Variants in TMEM232 observed in about 807,000 individuals in gnomAD.
TMEM232 encodes the protein transmembrane protein 232.
TMEM232 carries 80 observed loss-of-function variants against 78.8 expected under a neutral mutation model. The observed-to-expected ratio is 1.01, with a 90% CI of 0.85 to 1.22. The LOEUF is 1.22. Ranked by LOEUF, TMEM232 falls within the 50% of genes most tolerant of loss-of-function variation. The probability of loss-of-function intolerance (pLI) is 0.00; values close to 1 mark genes in which losing one functional copy is unlikely to be tolerated. For synonymous variants in TMEM232, 297 were observed against 254.3 expected (o/e 1.17, Z -1.60); for missense variants, 881 against 742.2 (o/e 1.19, Z -2.17).
intron 12 of TMEM232, among the ~76,000 whole-genome samples, chr5:110,465,605 A>AGAAATTTG: frequency 6.6e-6 from 1 of 152,346 alleles, no homozygotes. Flanking sequence ...AGTTTGCTTT[A>AGAAATTTG]GAAATTTGAC....
chr5:110,595,919 C>A (rs1014459969), intron 10 of TMEM232, among the ~76,000 whole-genome samples: 13 of 152,068 alleles, frequency 8.5e-5, no homozygotes, highest in African/African-American at 3.1e-4. Context: ...TCAGGAAATA[C>A]AGAGAACACC....
At chr5:110,545,273 G>A (rs1773635405) in intron 11 of TMEM232, among the ~76,000 whole-genome samples, 1 of 151,954 alleles carries the variant, frequency 6.6e-6, no homozygotes, top group South Asian at 2.1e-4. Context: ...AAACTCAAAT[G>A]CTTGATCTGC....
chr5:110,703,082 T>C (rs187545673), intron 1 of TMEM232, among the ~76,000 whole-genome samples: 1 of 152,140 alleles, frequency 6.6e-6, no homozygotes, highest in Admixed American at 6.6e-5. Flanking sequence ...GTAAAGGAAA[T>C]CATTTTGCTG....
chr5:110,434,143 C>G (rs1251670019), intron 12 of TMEM232, among the ~76,000 whole-genome samples: 1 of 149,808 alleles, frequency 6.7e-6, no homozygotes, highest in South Asian at 2.1e-4. Flanking sequence ...TTGAGACCCC[C>G]CCAAAACATG....
chr5:110,732,671 G>A lies in TMEM232; in HGVS notation c.-13+2232C>T, dbSNP rs149115589. 5.6e-3 allele frequency among the ~76,000 whole-genome samples: 859 copies of A among 152,322 alleles called. 5 individuals carry two copies. The highest frequency in any genetic ancestry group is 0.019 in the African/African-American group (802 of 41,570). ...TCCCCCTGGGTCCCTCCCACAACAT[G>A]TGTGAATTCTGGGAGATACAATTCA... On this transcript the variant is annotated intron_variant, in intron 2 of 4. Coordinates refer to the TMEM232 transcript ENST00000512886.
At chr5:110,661,446 G>A (rs779196786) in intron 2 of TMEM232, among the ~76,000 whole-genome samples, 3 of 152,042 alleles carry the variant, frequency 2.0e-5, no homozygotes, top group Non-Finnish European at 4.4e-5. Flanking sequence ...CTGGGTAGCT[G>A]GGACTACAGG....
chr5:110,692,550 G>A (rs1032202112), intron 1 of TMEM232, among the ~76,000 whole-genome samples: 3 of 152,196 alleles, frequency 2.0e-5, no homozygotes, highest in African/African-American at 7.2e-5. Context: ...CCCTTTCCTA[G>A]GCAAAGAAAG....
intron 12 of TMEM232, among the ~76,000 whole-genome samples, chr5:110,528,129 C>T (rs313620): frequency 1 from 151,928 of 151,930 alleles, 75,963 homozygotes; most frequent in Non-Finnish European, 1. Flanking sequence ...CAATGTTTCC[C>T]GGAGTCCTTT....
intron 12 of TMEM232, among the ~76,000 whole-genome samples, chr5:110,464,448 T>G (rs1404122341): frequency 6.6e-6 from 1 of 152,204 alleles, no homozygotes; most frequent in Non-Finnish European, 1.5e-5. Flanking sequence ...GAATCTAGAC[T>G]TATGAATGCT....
At position 110,537,414 on chromosome 5, in the gene TMEM232, C is replaced by T. The variant is rs146768033; in HGVS notation, c.1456-8579G>A. Among the ~76,000 whole-genome samples the T allele has an allele frequency of 6.2e-4, 94 of 152,140 alleles. 1 individual carries two copies. The East Asian group carries it at 0.013, about 21-fold the overall frequency. ...AATCAGATCTATTTTGCAAGATGCA[C>T]GGCAAATGGTCCAAAATCCCATATG... On this transcript the variant is annotated intron_variant, in intron 11 of 13. Transcript: ENST00000455884.
chr5:110,517,233 T>A (rs1768809276), intron 12 of TMEM232, among the ~76,000 whole-genome samples: 1 of 152,200 alleles, frequency 6.6e-6, no homozygotes, highest in Non-Finnish European at 1.5e-5. Context: ...GCTCAGGTGT[T>A]GATTCACTCT....
intron 8 of TMEM232, among the ~76,000 whole-genome samples, chr5:110,613,812 T>C (rs1291527125): frequency 1.3e-5 from 2 of 152,142 alleles, no homozygotes; most frequent in Non-Finnish European, 2.9e-5. Flanking sequence ...ACAGTGTATA[T>C]TGTTTATCTG....
intron 12 of TMEM232, among the ~76,000 whole-genome samples, chr5:110,513,460 G>C (rs1241772821): frequency 6.6e-6 from 1 of 151,652 alleles, no homozygotes; most frequent in East Asian, 1.9e-4. Flanking sequence ...AACCAAACAA[G>C]AACAAAACAC....
chr5:110,407,551 C>T (rs568032092), intron 2 of TMEM232, among the ~76,000 whole-genome samples: 136 of 152,180 alleles, frequency 8.9e-4, no homozygotes, highest in African/African-American at 2.7e-3. Flanking sequence ...TAGACCTAAA[C>T]GGGGAGATAG....
intron 8 of TMEM232, among the ~76,000 whole-genome samples, chr5:110,606,651 G>A (rs1048046293): frequency 6.6e-6 from 1 of 151,864 alleles, no homozygotes; most frequent in Non-Finnish European, 1.5e-5. Flanking sequence ...ATTCCACAAG[G>A]TGAATTTCAA....
chr5:110,621,340 C>T (rs749286574), intron 7 of TMEM232, among the ~76,000 whole-genome samples: 15 of 152,084 alleles, frequency 9.9e-5, no homozygotes, highest in South Asian at 2.1e-4. Flanking sequence ...TGTGCCTTTA[C>T]CCTAAATCAG....
At chr5:110,588,215 T>C (rs1779092184) in intron 10 of TMEM232, among the ~76,000 whole-genome samples, 1 of 152,146 alleles carries the variant, frequency 6.6e-6, no homozygotes, top group African/African-American at 2.4e-5. Flanking sequence ...CTGTGACATA[T>C]ATTTCATTCA....
chr5:110,577,261 C>A (rs992978964), intron 10 of TMEM232, among the ~76,000 whole-genome samples: 6 of 152,160 alleles, frequency 3.9e-5, no homozygotes, highest in African/African-American at 1.4e-4. Context: ...GGCTAACAAT[C>A]ATATTTTAAA....
At chr5:110,486,193 A>C (rs1764448059) in intron 12 of TMEM232, among the ~76,000 whole-genome samples, 1 of 149,912 alleles carries the variant, frequency 6.7e-6, no homozygotes, top group Non-Finnish European at 1.5e-5. Flanking sequence ...TACTGATTTG[A>C]GTTCATTGTA....
Sources: gnomAD v4.1 joint callset for allele counts (sites outside exome capture counted in the v4.1 genomes callset) on GRCh38, gnomAD v4.1.1 for gene constraint, MANE v1.5 for transcripts, NCBI Gene and HGNC (gene_info 2026-07-23, HGNC 2026-07-21) for gene names.